The following PPP3CA variants were observed in gnomAD, a reference collection of about 807,000 sequenced individuals.
The protein encoded by PPP3CA is CAM-PRP catalytic subunit.
Under a neutral mutation model 66.5 loss-of-function variants are expected in PPP3CA, and 14 were observed. The ratio of observed to expected loss-of-function variants is 0.21; its 90% CI spans 0.14 to 0.33. The LOEUF (loss-of-function observed/expected upper bound fraction) is 0.33. PPP3CA is among the 10% of genes least tolerant of loss of function. The pLI is 1.00. For synonymous variants in PPP3CA, 232 were observed against 226.2 expected (o/e 1.03, Z -0.23); for missense variants, 317 against 639.5 (o/e 0.50, Z 5.44).
chr4:101,259,795 T>C (rs1177097301), intron 1 of PPP3CA, among the ~76,000 whole-genome samples: 2 of 152,118 alleles, frequency 1.3e-5, no homozygotes, highest in Non-Finnish European at 2.9e-5. Context: ...TTAAAATAAG[T>C]TGTCAATCTT....
chr4:101,122,329 C>G (rs1722056873), intron 2 of PPP3CA, among the ~76,000 whole-genome samples: 1 of 152,146 alleles, frequency 6.6e-6, no homozygotes, highest in Non-Finnish European at 1.5e-5. Context: ...GTCATTAGTA[C>G]AGTAAGCTAT....
intron 1 of PPP3CA, among the ~76,000 whole-genome samples, chr4:101,340,111 C>T (rs17031191): frequency 0.057 from 8,622 of 152,224 alleles, 380 homozygotes; most frequent in East Asian, 0.16. Flanking sequence ...AATTGACAAA[C>T]ATTGTAAACT....
intron 1 of PPP3CA, among the ~76,000 whole-genome samples, chr4:101,336,799 T>C (rs1276074077): frequency 6.6e-6 from 1 of 152,206 alleles, no homozygotes; most frequent in African/African-American, 2.4e-5. Flanking sequence ...TGCCTCTCAC[T>C]AGATGTGTAC....
intron 2 of PPP3CA, among the ~76,000 whole-genome samples, chr4:101,139,262 G>T (rs1024436568): frequency 1.3e-5 from 2 of 151,078 alleles, no homozygotes; most frequent in Non-Finnish European, 2.9e-5. Flanking sequence ...CAGGAGAATG[G>T]TGTGAACCCA....
At chr4:101,152,211 T>G (rs1035530462) in intron 2 of PPP3CA, among the ~76,000 whole-genome samples, 2 of 152,198 alleles carry the variant, frequency 1.3e-5, no homozygotes, top group Non-Finnish European at 2.9e-5. Context: ...CTGGATAGAT[T>G]AATGATTAGA....
intron 1 of PPP3CA, among the ~76,000 whole-genome samples, chr4:101,286,558 A>C (rs1727853333): frequency 4.6e-5 from 7 of 152,176 alleles, no homozygotes. Flanking sequence ...ACGTTAATAA[A>C]ATTCAAACAA....
chr4:101,067,486 C>G (rs1178580283), intron 8 of PPP3CA, among the ~76,000 whole-genome samples: 1 of 151,680 alleles, frequency 6.6e-6, no homozygotes, highest in Non-Finnish European at 1.5e-5. Flanking sequence ...CTGACCATAT[C>G]CAAATCTGTA....
intron 10 of PPP3CA, among the ~76,000 whole-genome samples, chr4:101,046,041 A>G (rs1164303619): frequency 1.3e-5 from 2 of 152,208 alleles, no homozygotes; most frequent in Non-Finnish European, 2.9e-5. Context: ...AGAAGTCTCT[A>G]TGTCCTGCCC....
chr4:101,049,966 T>G (rs557624408), intron 10 of PPP3CA, among the ~76,000 whole-genome samples: 70 of 152,060 alleles, frequency 4.6e-4, no homozygotes, highest in Non-Finnish European at 8.5e-4. Context: ...TCTTTTGCTA[T>G]TCACAATTCA....
At chr4:101,192,729 C>G (rs1190772171) in intron 2 of PPP3CA, among the ~76,000 whole-genome samples, 3 of 152,140 alleles carry the variant, frequency 2.0e-5, no homozygotes, top group Non-Finnish European at 4.4e-5. Flanking sequence ...TTTCTTGGCT[C>G]TCTGCATTCC....
chr4:101,103,998 G>A (rs556900520), intron 3 of PPP3CA, among the ~76,000 whole-genome samples: 102 of 152,266 alleles, frequency 6.7e-4, no homozygotes, highest in Non-Finnish European at 1.2e-3. Context: ...CTAACTTTGT[G>A]GGAAATGATT....
intron 2 of PPP3CA, among the ~76,000 whole-genome samples, chr4:101,130,970 T>C (rs1216538123): frequency 6.6e-6 from 1 of 152,150 alleles, no homozygotes; most frequent in Non-Finnish European, 1.5e-5. Context: ...CTCACACCTG[T>C]AATCCCAGCA....
intron 1 of PPP3CA, among the ~76,000 whole-genome samples, chr4:101,343,049 A>G (rs1449797663): frequency 6.6e-6 from 1 of 152,168 alleles, no homozygotes; most frequent in Non-Finnish European, 1.5e-5. Flanking sequence ...GGCCAAAAGC[A>G]ACCTTACACA....
chr4:101,068,983 T>C (rs532436896), intron 8 of PPP3CA, among the ~76,000 whole-genome samples: 1 of 152,326 alleles, frequency 6.6e-6, no homozygotes, highest in South Asian at 2.1e-4. Context: ...TTTCATCCAG[T>C]ACCTAATATA....
intron 1 of PPP3CA, among the ~76,000 whole-genome samples, chr4:101,235,844 A>T (rs1726110924): frequency 6.6e-6 from 1 of 151,840 alleles, no homozygotes; most frequent in East Asian, 1.9e-4. Flanking sequence ...TACCCTTTGC[A>T]CTGTATAAGG....
intron 2 of PPP3CA, among the ~76,000 whole-genome samples, chr4:101,167,531 A>G (rs1723731361): frequency 6.6e-6 from 1 of 152,190 alleles, no homozygotes; most frequent in South Asian, 2.1e-4. Context: ...CCCCTCCTTC[A>G]GTGTACACTC....
At chr4:101,063,415 T>C (rs1728555608) in intron 8 of PPP3CA, 58 bp from the exon 9 acceptor site, 1 of 1,534,232 alleles carries the variant, frequency 6.5e-7, no homozygotes, top group Non-Finnish European at 8.8e-7. Context: ...CTTCTATGTA[T>C]GGCTTTAGCT....
At chr4:101,153,477 T>C (rs1398385315) in intron 2 of PPP3CA, among the ~76,000 whole-genome samples, 1 of 152,256 alleles carries the variant, frequency 6.6e-6, no homozygotes, top group Admixed American at 6.5e-5. Flanking sequence ...CAAAGTAGAA[T>C]TGTATAAACA....
intron 5 of PPP3CA, among the ~76,000 whole-genome samples, chr4:101,095,706 C>G (rs1212074536): frequency 6.6e-6 from 1 of 152,190 alleles, no homozygotes; most frequent in African/African-American, 2.4e-5. Context: ...GGCTGGAGTG[C>G]AGTGGCACGA....
Sources: gnomAD v4.1 joint callset for allele counts (sites outside exome capture counted in the v4.1 genomes callset) on GRCh38, gnomAD v4.1.1 for gene constraint, MANE v1.5 for transcripts, NCBI Gene and HGNC (gene_info 2026-07-23, HGNC 2026-07-21) for gene names.